NPSR1: variants seen among roughly 807,000 people sequenced by gnomAD.
The protein encoded by NPSR1 is neuropeptide S receptor 1.
In NPSR1, 48 loss-of-function variants were observed where a neutral mutation model predicts 46.9. The ratio of observed to expected loss-of-function variants is 1.02; its 90% CI spans 0.81 to 1.30. The LOEUF is 1.30. NPSR1 is among the 50% of genes most tolerant of loss of function. NPSR1 has a pLI of 0.00. For missense variants in NPSR1, 450 were observed against 449.5 expected (o/e 1.00, Z -0.01); for synonymous variants, 176 against 168.1 (o/e 1.05, Z -0.36).
At chr7:34,863,434 T>C (rs1791236412) in intron 8 of NPSR1, among the ~76,000 whole-genome samples, 1 of 151,672 alleles carries the variant, frequency 6.6e-6, no homozygotes, top group Middle Eastern at 3.4e-3. Context: ...AACATCAGAG[T>C]GAACAGGCAA....
chr7:34,758,788 T>G (rs1293859921), intron 2 of NPSR1, among the ~76,000 whole-genome samples: 3 of 152,204 alleles, frequency 2.0e-5, no homozygotes, highest in Non-Finnish European at 4.4e-5. Flanking sequence ...TCAGCAAACC[T>G]GCTTTAAATG....
intron 8 of NPSR1, among the ~76,000 whole-genome samples, chr7:34,857,614 C>G (rs1447689691): frequency 6.6e-6 from 1 of 151,482 alleles, no homozygotes; most frequent in Non-Finnish European, 1.5e-5. Context: ...GGATTATAGA[C>G]CTAAATTCAC....
intron 2 of NPSR1, among the ~76,000 whole-genome samples, chr7:34,714,301 C>T (rs745441668): frequency 3.3e-5 from 5 of 152,166 alleles, no homozygotes; most frequent in Non-Finnish European, 7.3e-5. Context: ...AGGATGAGTC[C>T]CAGCTCCAGC....
chr7:34,667,712 G>C (rs986633877), intron 1 of NPSR1, among the ~76,000 whole-genome samples: 6 of 152,036 alleles, frequency 3.9e-5, no homozygotes, highest in African/African-American at 1.4e-4. Context: ...AGACTCACAA[G>C]AACCCTCATG....
intron 8 of NPSR1, among the ~76,000 whole-genome samples, chr7:34,868,142 A>G (rs1250824885): frequency 6.6e-6 from 1 of 151,754 alleles, no homozygotes; most frequent in Non-Finnish European, 1.5e-5. Context: ...TTTCTTTATT[A>G]AAGAGCAAGA....
At chr7:34,673,483 C>T (rs1792160953) in intron 1 of NPSR1, among the ~76,000 whole-genome samples, 1 of 152,218 alleles carries the variant, frequency 6.6e-6, no homozygotes, top group South Asian at 2.1e-4. Flanking sequence ...CTCTGCCATA[C>T]TACATGGGAG....
chr7:34,681,399 C>T (rs990337945), intron 1 of NPSR1, among the ~76,000 whole-genome samples: 3 of 152,176 alleles, frequency 2.0e-5, no homozygotes, highest in African/African-American at 7.2e-5. Flanking sequence ...TTAACTTTGA[C>T]CTCAGGACAC....
chr7:34,706,290 C>T (rs1375661900), intron 2 of NPSR1, among the ~76,000 whole-genome samples: 7 of 151,702 alleles, frequency 4.6e-5, no homozygotes, highest in South Asian at 2.1e-4. Flanking sequence ...AATGTGAATT[C>T]GTAGGTTATT....
Position 34,849,676 on chromosome 7 carries a change from C to G in NPSR1, c.*21C>G. On this transcript the variant is annotated 3_prime_UTR_variant, in exon 9 of 9. Transcript: ENST00000360581. ...TCTAGACCCTAGGGCAGTGCCAGTG[C>G]TAGGCTGAGCACCATCAGCTCTCCC... 6.2e-7 allele frequency: 1 copy of G among 1,613,276 alleles called. No individual in the cohort carries two copies.
chr7:34,866,574 T>C (rs1178410790), intron 8 of NPSR1, among the ~76,000 whole-genome samples: 5 of 151,746 alleles, frequency 3.3e-5, no homozygotes, highest in Non-Finnish European at 4.4e-5. Context: ...TCTTGCCTGA[T>C]TGAGACAACT....
In NPSR1 at chr7:34,814,811, T is replaced by G. The variant is rs1440684351; in HGVS notation, c.478+2948T>G. ...GATCTCCAGTAAACTCCAACAGACC[T>G]GCAGCTGAGGGACCTGACTGTTACA... On this transcript the variant is annotated intron_variant, in intron 4 of 8. Transcript: ENST00000360581. Among the ~76,000 whole-genome samples the G allele has an allele frequency of 3.9e-5, 6 of 152,142 alleles. No homozygotes were observed. The East Asian group carries it at 1.2e-3, about 29-fold the overall frequency.
intron 3 of NPSR1, 67 bp from the exon 4 acceptor site, chr7:34,811,703 T>C: frequency 3.7e-6 from 4 of 1,093,466 alleles, no homozygotes; most frequent in East Asian, 4.9e-5. Context: ...CAAGGTGCTA[T>C]TCTTTCCATT....
intron 3 of NPSR1, among the ~76,000 whole-genome samples, chr7:34,792,704 T>TAC (rs1787976893): frequency 1.6e-5 from 2 of 128,308 alleles, no homozygotes; most frequent in African/African-American, 6.1e-5. Flanking sequence ...TATATACGTA[T>TAC]ATATATATAT....
intron 3 of NPSR1, among the ~76,000 whole-genome samples, chr7:34,809,234 C>T (rs1459694063): frequency 6.6e-6 from 1 of 151,882 alleles, no homozygotes; most frequent in Non-Finnish European, 1.5e-5. Flanking sequence ...AGTAGACGAT[C>T]GATTTTTTTT....
In NPSR1 at chr7:34,826,497, G is replaced by A. The variant is rs193079976; in HGVS notation, c.479-904G>A. ...AAGTTGAAAGTAGGGGAGCAAGGTG[G>A]CCTCTTATTTCTGGAAGAAGGTCCC... On this transcript the variant is annotated intron_variant, in intron 4 of 8. Transcript: ENST00000360581. 7.2e-5 allele frequency among the ~76,000 whole-genome samples: 11 copies of A among 152,240 alleles called. No homozygotes were observed. The East Asian group carries it at 1.9e-3, about 27-fold the overall frequency.
intron 2 of NPSR1, among the ~76,000 whole-genome samples, chr7:34,722,568 G>A (rs1332360584): frequency 6.6e-6 from 1 of 152,144 alleles, no homozygotes; most frequent in African/African-American, 2.4e-5. Flanking sequence ...ACAAGGCTAT[G>A]GTATATTTAG....
At chr7:34,670,476 T>C (rs764483073) in intron 1 of NPSR1, among the ~76,000 whole-genome samples, 4 of 151,894 alleles carry the variant, frequency 2.6e-5, no homozygotes, top group Non-Finnish European at 5.9e-5. Context: ...CTAGAAAAAT[T>C]ATATAATGAT....
intron 3 of NPSR1, among the ~76,000 whole-genome samples, chr7:34,778,836 A>G (rs887348558): frequency 1.3e-5 from 2 of 152,224 alleles, no homozygotes; most frequent in African/African-American, 4.8e-5. Flanking sequence ...GTCTGGGTCA[A>G]TATTAAGGAT....
chr7:34,845,005 C>A (rs986572574), intron 7 of NPSR1, 23 bp downstream of exon 7: 21 of 1,550,948 alleles, frequency 1.4e-5, no homozygotes, highest in Non-Finnish European at 1.7e-5. Flanking sequence ...CCTCCTTGAG[C>A]TGTAAAGTGG....
Sources: allele counts gnomAD v4.1 joint callset (sites outside exome capture counted in the v4.1 genomes callset), GRCh38; gene constraint gnomAD v4.1.1; transcripts MANE v1.5; gene names NCBI Gene and HGNC (gene_info 2026-07-23, HGNC 2026-07-21).